The following ARFIP1 variants were observed in gnomAD, a reference collection of about 807,000 sequenced individuals.
ARFIP1 encodes the protein ARF interacting protein 1, also known as arfaptin-1.
In ARFIP1, 24 loss-of-function variants were observed where a neutral mutation model predicts 42.5. The ratio of observed to expected loss-of-function variants is 0.57; its 90% CI spans 0.41 to 0.80. ARFIP1 has a LOEUF of 0.80. Among genes scored for constraint, ARFIP1 ranks in the 30% least tolerant of loss-of-function variants. The pLI is 0.00. For missense variants in ARFIP1, 354 were observed against 434.0 expected, an observed-to-expected ratio of 0.82 and a Z score of 1.64; for synonymous variants, 141 against 153.7, an observed-to-expected ratio of 0.92 and a Z score of 0.61.
chr4:152,862,206 C>G (rs1733949620), intron 2 of ARFIP1, among the ~76,000 whole-genome samples: 1 of 152,104 alleles, frequency 6.6e-6, no homozygotes, highest in Non-Finnish European at 1.5e-5. Context: ...GAAAGTTTTT[C>G]TACTAGGTTG....
chr4:152,821,427 C>G (rs1375300120), intron 1 of ARFIP1, among the ~76,000 whole-genome samples: 2 of 151,804 alleles, frequency 1.3e-5, no homozygotes, highest in Admixed American at 1.3e-4. Context: ...TTGAATCAGC[C>G]CAGTCAGACA....
chr4:152,785,608 A>G (rs1730756095), intron 1 of ARFIP1, among the ~76,000 whole-genome samples: 1 of 152,226 alleles, frequency 6.6e-6, no homozygotes, highest in Non-Finnish European at 1.5e-5. Flanking sequence ...CAGCATAAGT[A>G]TTATAAATTC....
chr4:152,909,623 A>G (rs1002877131), intron 8 of ARFIP1, among the ~76,000 whole-genome samples: 3 of 152,202 alleles, frequency 2.0e-5, no homozygotes, highest in African/African-American at 2.4e-5. Flanking sequence ...AAGAAAGTCA[A>G]TATTTAAAAG....
At chr4:152,868,456 G>A (rs372762901) in intron 3 of ARFIP1, among the ~76,000 whole-genome samples, 16 of 152,116 alleles carry the variant, frequency 1.1e-4, no homozygotes, top group African/African-American at 3.9e-4. Context: ...TTTGGTAACA[G>A]TTGTTTAAAG....
intron 1 of ARFIP1, 41 bp from the exon 2 acceptor site, chr4:152,829,584 T>G: frequency 2.2e-6 from 3 of 1,355,872 alleles, no homozygotes; most frequent in Non-Finnish European, 3.1e-6. Context: ...TCTTTATGAT[T>G]TGGTATTAGT....
intron 3 of ARFIP1, among the ~76,000 whole-genome samples, chr4:152,866,940 C>A (rs1188151710): frequency 1.3e-5 from 2 of 151,178 alleles, no homozygotes; most frequent in African/African-American, 2.4e-5. Context: ...AGATGGATGG[C>A]GGCCGGGAAG....
At chr4:152,841,158 C>T (rs770901204) in intron 2 of ARFIP1, among the ~76,000 whole-genome samples, 1 of 151,988 alleles carries the variant, frequency 6.6e-6, no homozygotes, top group African/African-American at 2.4e-5. Context: ...GCCTCAGCCT[C>T]CCGAGTAGCT....
chr4:152,882,780 C>G lies in ARFIP1; in HGVS notation c.691C>G (p.Leu231Val), dbSNP rs1735947818. 6.2e-7 allele frequency: 1 copy of G among 1,613,286 alleles called. No individual in the cohort carries two copies. The highest frequency in any genetic ancestry group is 8.5e-7 in the Non-Finnish European group (1 of 1,179,566). ...QKLLAKNGETLLGAINFFIAS... is the reference protein window; with the variant it reads ...QKLLAKNGETVLGAINFFIAS... Reference sequence around the variant, plus strand: ...ACTGCTGGCTAAAAATGGAGAGACTCTTCTTGGGGCCATTAATTTTTTCAT... The same window carrying G: ...ACTGCTGGCTAAAAATGGAGAGACTGTTCTTGGGGCCATTAATTTTTTCAT... The change falls in exon 7 of 9, where the codon CTT becomes GTT. Residue 231 changes from leucine (L) to valine (V), a missense_variant. Coordinates refer to ENST00000353617, the MANE Select transcript of ARFIP1 (RefSeq NM_001025595.3).
intron 2 of ARFIP1, among the ~76,000 whole-genome samples, chr4:152,837,226 G>A (rs1374973905): frequency 1.3e-5 from 2 of 152,126 alleles, no homozygotes; most frequent in Non-Finnish European, 2.9e-5. Context: ...TGTGAATTGT[G>A]CCACTATAAA....
intron 1 of ARFIP1, among the ~76,000 whole-genome samples, chr4:152,821,038 ACAT>A (rs1730324621): frequency 6.6e-6 from 1 of 152,228 alleles, no homozygotes; most frequent in Admixed American, 6.5e-5. Flanking sequence ...TAGTCTGCTC[ACAT>A]GAGAAGGAAC....
intron 2 of ARFIP1, among the ~76,000 whole-genome samples, chr4:152,849,794 A>G (rs1433492978): frequency 1.3e-5 from 2 of 152,204 alleles, no homozygotes; most frequent in African/African-American, 4.8e-5. Context: ...TATTAAACTT[A>G]TTTAAAGTGA....
intron 8 of ARFIP1, among the ~76,000 whole-genome samples, chr4:152,894,764 T>C (rs1013879869): frequency 2.0e-5 from 3 of 152,246 alleles, no homozygotes; most frequent in Non-Finnish European, 4.4e-5. Flanking sequence ...CATTCTCTTA[T>C]TCATGCAACT....
At chr4:152,816,708 A>T (rs752717337) in intron 1 of ARFIP1, among the ~76,000 whole-genome samples, 1 of 152,228 alleles carries the variant, frequency 6.6e-6, no homozygotes, top group Non-Finnish European at 1.5e-5. Flanking sequence ...CACAAAATAT[A>T]CTGTATGTCT....
intron 8 of ARFIP1, among the ~76,000 whole-genome samples, chr4:152,905,032 A>G (rs890610077): frequency 2.0e-5 from 3 of 152,106 alleles, no homozygotes; most frequent in Admixed American, 6.5e-5. Flanking sequence ...AAGTGTTCCT[A>G]TTTCTCCACA....
chr4:152,853,711 A>G (rs1012644667), intron 2 of ARFIP1, among the ~76,000 whole-genome samples: 1 of 152,026 alleles, frequency 6.6e-6, no homozygotes, highest in Non-Finnish European at 1.5e-5. Context: ...AGACTTGGAC[A>G]GTTTTCATTT....
chr4:152,811,888 A>G (rs1248656230), intron 1 of ARFIP1, among the ~76,000 whole-genome samples: 2 of 67,536 alleles, frequency 3.0e-5, no homozygotes, highest in Non-Finnish European at 8.5e-5. Flanking sequence ...TTTCAGTACT[A>G]TAATTAATGG....
chr4:152,879,864 A>G (rs879321557), intron 5 of ARFIP1, among the ~76,000 whole-genome samples: 1 of 152,150 alleles, frequency 6.6e-6, no homozygotes, highest in Admixed American at 6.5e-5. Context: ...AAAACAAAAC[A>G]AAACAAAAAA....
chr4:152,888,874 A>T (rs1736489663), intron 8 of ARFIP1, among the ~76,000 whole-genome samples: 1 of 152,140 alleles, frequency 6.6e-6, no homozygotes. Context: ...TCATATACTA[A>T]TAGGCTCCTG....
chr4:152,817,138 A>T lies in ARFIP1; in HGVS notation c.-9-12487A>T, dbSNP rs77839233. ...GAATCACCAGCTGTTTTTAGGAGGAATGAAGTAGAACATAATAGCGTAATT... is the reference window on the plus strand; with the variant it reads ...GAATCACCAGCTGTTTTTAGGAGGATTGAAGTAGAACATAATAGCGTAATT... On this transcript the variant is annotated intron_variant, in intron 1 of 8. Coordinates refer to ENST00000353617, the MANE Select transcript of ARFIP1 (RefSeq NM_001025595.3). Among the ~76,000 whole-genome samples, 332 of 152,358 alleles carry T rather than the reference A, an allele frequency of 2.2e-3. 2 individuals carry two copies. The highest frequency in any genetic ancestry group is 7.8e-3 in the African/African-American group (324 of 41,588).
Sources: gnomAD v4.1 joint callset for allele counts (sites outside exome capture counted in the v4.1 genomes callset) on GRCh38, gnomAD v4.1.1 for gene constraint, MANE v1.5 for transcripts, NCBI Gene and HGNC (gene_info 2026-07-23, HGNC 2026-07-21) for gene names.